Variants in CFAP299 observed in about 807,000 individuals in gnomAD.
CFAP299 encodes the protein cilia and flagella associated protein 299.
A neutral mutation model predicts 27.0 loss-of-function variants in CFAP299; 21 were observed. That is an observed-to-expected ratio of 0.78 (90% CI 0.55 to 1.12). CFAP299 has a LOEUF of 1.12. Ranked by LOEUF, CFAP299 falls within the 50% of genes most tolerant of loss-of-function variation. The pLI, the probability that CFAP299 is intolerant of heterozygous loss-of-function variation, is 0.00. For missense variants in CFAP299, 310 were observed against 276.6 expected, an observed-to-expected ratio of 1.12 and a Z score of -0.86; for synonymous variants, 104 against 98.1, an observed-to-expected ratio of 1.06 and a Z score of -0.36.
At chr4:80,413,750 CTTTT>C (rs66780627) in intron 2 of CFAP299, among the ~76,000 whole-genome samples, 2 of 108,310 alleles carry the variant, frequency 1.8e-5, no homozygotes, top group African/African-American at 3.5e-5. Context: ...TTGTGTCATT[CTTTT>C]TTTTTTTTTT....
At chr4:80,331,126 G>A (rs2109957783), upstream of CFAP299, among the ~76,000 whole-genome samples, 1 of 152,306 alleles carries the variant, frequency 6.6e-6, no homozygotes, top group South Asian at 2.1e-4. Context: ...TGGAAAAAGT[G>A]TGTACTGTGA....
chr4:80,732,792 A>G (rs1257317119), intron 3 of CFAP299, among the ~76,000 whole-genome samples: 1 of 152,156 alleles, frequency 6.6e-6, no homozygotes, highest in East Asian at 1.9e-4. Context: ...ATTCTCTTAT[A>G]TAATGGATCT....
the CFAP299 span, among the ~76,000 whole-genome samples, chr4:80,326,623 G>T: frequency 6.6e-6 from 1 of 152,076 alleles, no homozygotes; most frequent in Non-Finnish European, 1.5e-5. Flanking sequence ...GCTGGCCTGT[G>T]GTTTCTTCTG....
chr4:80,962,863 C>T (rs1738413570), intron 5 of CFAP299, among the ~76,000 whole-genome samples: 1 of 151,932 alleles, frequency 6.6e-6, no homozygotes, highest in Non-Finnish European at 1.5e-5. Flanking sequence ...CTCCTCTGAG[C>T]ATCAGCTTTA....
intron 3 of CFAP299, among the ~76,000 whole-genome samples, chr4:80,824,643 C>A (rs34269465): frequency 0.1 from 15,421 of 152,024 alleles, 928 homozygotes; most frequent in Middle Eastern, 0.2. Context: ...AAAGTCACTG[C>A]ACATGGTCAG....
intron 2 of CFAP299, among the ~76,000 whole-genome samples, chr4:80,425,763 T>C (rs564271066): frequency 1.4e-4 from 22 of 152,336 alleles, no homozygotes; most frequent in Non-Finnish European, 2.5e-4. Flanking sequence ...TTTAAAAACA[T>C]TTCCTTTTTG....
intron 3 of CFAP299, among the ~76,000 whole-genome samples, chr4:80,796,854 C>A (rs1338848083): frequency 1.3e-5 from 2 of 152,126 alleles, no homozygotes; most frequent in East Asian, 3.8e-4. Context: ...TTTGCCCTTT[C>A]CCACCACAAT....
chr4:80,366,314 G>A (rs1723830817), intron 2 of CFAP299, among the ~76,000 whole-genome samples: 1 of 152,202 alleles, frequency 6.6e-6, no homozygotes. Context: ...AGCAATCATA[G>A]AGCACCTATT....
chr4:80,727,173 A>C (rs1403842917), intron 3 of CFAP299, among the ~76,000 whole-genome samples: 5 of 152,078 alleles, frequency 3.3e-5, no homozygotes, highest in African/African-American at 1.2e-4. Flanking sequence ...AAAATATTTT[A>C]TTTCAGCTCA....
At chr4:80,408,917 G>C (rs1726570158) in intron 2 of CFAP299, among the ~76,000 whole-genome samples, 1 of 151,488 alleles carries the variant, frequency 6.6e-6, no homozygotes, top group South Asian at 2.1e-4. Flanking sequence ...ATGGTTAAGT[G>C]GTATCTTGAA....
chr4:80,390,649 G>GTATATATGTATATATGTA (rs1578389443), intron 2 of CFAP299, among the ~76,000 whole-genome samples: 1 of 78,036 alleles, frequency 1.3e-5, no homozygotes, highest in Non-Finnish European at 2.3e-5. Context: ...ATATATGTAT[G>GTATATATGTATATATGTA]TACACACATA....
At chr4:80,585,547 G>A (rs72863142) in intron 3 of CFAP299, among the ~76,000 whole-genome samples, 10 of 152,178 alleles carry the variant, frequency 6.6e-5, no homozygotes, top group African/African-American at 2.4e-4. Flanking sequence ...GGGAGAGGAG[G>A]CAATGAAGCC....
At chr4:80,561,144 G>A (rs1735019011) in intron 2 of CFAP299, among the ~76,000 whole-genome samples, 2 of 152,160 alleles carry the variant, frequency 1.3e-5, no homozygotes, top group African/African-American at 4.8e-5. Flanking sequence ...TTGGGAGAAT[G>A]TAAGAGAAGA....
intron 3 of CFAP299, among the ~76,000 whole-genome samples, chr4:80,781,861 A>G (rs987147440): frequency 1.3e-5 from 2 of 152,038 alleles, no homozygotes; most frequent in Non-Finnish European, 2.9e-5. Context: ...TTAGAAAGGA[A>G]ATATAATAAT....
intron 2 of CFAP299, among the ~76,000 whole-genome samples, chr4:80,433,588 T>TA (rs1188620550): frequency 6.6e-6 from 1 of 152,170 alleles, no homozygotes; most frequent in South Asian, 2.1e-4. Flanking sequence ...TTAAATTACT[T>TA]AAAAAATCAA....
chr4:80,386,102 C>A (rs1054509575), intron 2 of CFAP299: 13 of 465,172 alleles, frequency 2.8e-5, no homozygotes, highest in Non-Finnish European at 4.2e-5. Context: ...TGGGAAGGAT[C>A]TCCAGTCTGC....
chr4:80,442,145 AT>A (rs1728390253), intron 2 of CFAP299, among the ~76,000 whole-genome samples: 1 of 152,088 alleles, frequency 6.6e-6, no homozygotes, highest in Non-Finnish European at 1.5e-5. Flanking sequence ...TTAGACAGAT[AT>A]TTACAAGACA....
At chr4:80,883,829 C>T (rs1317517864) in intron 4 of CFAP299, among the ~76,000 whole-genome samples, 1 of 151,946 alleles carries the variant, frequency 6.6e-6, no homozygotes, top group East Asian at 1.9e-4. Flanking sequence ...TAGAGGACTT[C>T]AATAGTCCAC....
In CFAP299 at chr4:80,479,756, AC is replaced by A. The variant is rs545231750; in HGVS notation, c.243-103336del. ...GCTTATTGTAACATTATGCAGAGCT[AC>A]ATTACTTTTGTCCAAGAAACTTGTT... On this transcript the variant is annotated intron_variant, in intron 2 of 5. Coordinates refer to ENST00000358105, the MANE Select transcript of CFAP299 (RefSeq NM_152770.3). Among the ~76,000 whole-genome samples, 344 of 152,158 alleles carry A rather than the reference AC, an allele frequency of 2.3e-3. 3 individuals carry two copies. Among genetic ancestry groups the A allele is most frequent in the South Asian group, 8.1e-3 (39 of 4,830 alleles).
Sources: gnomAD v4.1 joint callset for allele counts (sites outside exome capture counted in the v4.1 genomes callset) on GRCh38, gnomAD v4.1.1 for gene constraint, MANE v1.5 for transcripts, NCBI Gene and HGNC (gene_info 2026-07-23, HGNC 2026-07-21) for gene names.